Variants in PDZD2 observed in about 807,000 individuals in gnomAD.
PDZD2 encodes the protein PDZ domain containing 2, also known as PDZ domain-containing protein 2.
Under a neutral mutation model 220.7 loss-of-function variants are expected in PDZD2, and 90 were observed. That is an observed-to-expected ratio of 0.41 (90% confidence interval 0.34 to 0.49). The LOEUF (loss-of-function observed/expected upper bound fraction) is 0.49. Ranked by LOEUF, PDZD2 falls within the 20% of genes least tolerant of loss-of-function variation. PDZD2 has a pLI of 0.28. For missense variants in PDZD2, 3,174 were observed against 3,608.5 expected, an observed-to-expected ratio of 0.88 and a Z score of 3.08; for synonymous variants, 1,375 against 1,450.5, an observed-to-expected ratio of 0.95 and a Z score of 1.18.
At chr5:31,795,329 G>A (rs1235732188) in intron 1 of PDZD2, among the ~76,000 whole-genome samples, 2 of 152,154 alleles carry the variant, frequency 1.3e-5, no homozygotes, top group South Asian at 2.1e-4. Context: ...AAGAAAGTTG[G>A]TAGATTTTAA....
At chr5:32,010,593 G>A in intron 6 of PDZD2, 111 bp downstream of exon 6, 1 of 783,632 alleles carries the variant, frequency 1.3e-6, no homozygotes, top group South Asian at 1.4e-5. Context: ...ACCATGATGG[G>A]AAAAGACACC....
At position 32,059,295 on chromosome 5, in the gene PDZD2, C is replaced by G. The variant is rs1326888695; in HGVS notation, c.2257C>G (p.Pro753Ala). The change falls in exon 13 of 25, where the codon CCT (proline) becomes GCT (alanine). Residue 753 changes from proline to alanine, a missense_variant. This residue lies in a region of PDZD2 where 1,861 missense variants were observed against 2,001.0 expected (regional missense o/e 0.93). Transcript: ENST00000438447. ...CTGCTTGGCTCTGGAAAACAGTCCT[C>G]CTGGCATCTACATTCACAGCCTTGC... ...ACCLALENSP[P>A]GIYIHSLAPG... 1.2e-6 allele frequency: 2 copies of G among 1,613,836 alleles called. No homozygotes were observed. Among genetic ancestry groups the G allele is most frequent in the African/African-American group, 2.7e-5 (2 of 75,052 alleles).
chr5:31,946,938 A>G (rs527478939), intron 2 of PDZD2, among the ~76,000 whole-genome samples: 1 of 152,312 alleles, frequency 6.6e-6, no homozygotes, highest in African/African-American at 2.4e-5. Flanking sequence ...TCCTGGCCTC[A>G]AGAGATCCTC....
At chr5:31,859,417 T>A (rs778983082) in intron 2 of PDZD2, among the ~76,000 whole-genome samples, 2 of 152,210 alleles carry the variant, frequency 1.3e-5, no homozygotes, top group African/African-American at 2.4e-5. Context: ...CCTGGGAAAT[T>A]TCCTCATTTT....
intron 6 of PDZD2, among the ~76,000 whole-genome samples, chr5:32,022,364 A>ATTT (rs59655326): frequency 2.9e-5 from 4 of 137,368 alleles, no homozygotes; most frequent in Non-Finnish European, 4.7e-5. Flanking sequence ...CTCACAGCTA[A>ATTT]TTTTTTTTTT....
intron 1 of PDZD2, among the ~76,000 whole-genome samples, chr5:31,659,786 T>C (rs1487894210): frequency 6.6e-6 from 1 of 152,164 alleles, no homozygotes; most frequent in Non-Finnish European, 1.5e-5. Flanking sequence ...CTCCAACTGG[T>C]GTGGAGTGCC....
chr5:31,728,903 G>A (rs189269894), intron 1 of PDZD2, among the ~76,000 whole-genome samples: 138 of 151,716 alleles, frequency 9.1e-4, no homozygotes, highest in African/African-American at 2.9e-3. Context: ...CACCTAGGCC[G>A]GAGTGCAGTG....
At chr5:31,720,253 A>G (rs1028756109) in intron 1 of PDZD2, among the ~76,000 whole-genome samples, 2 of 152,242 alleles carry the variant, frequency 1.3e-5, no homozygotes, top group Non-Finnish European at 2.9e-5. Context: ...CATCTGCCTT[A>G]AAGATGTGCA....
chr5:32,050,589 G>A (rs1179247737), intron 8 of PDZD2, among the ~76,000 whole-genome samples: 1 of 152,152 alleles, frequency 6.6e-6, no homozygotes, highest in Non-Finnish European at 1.5e-5. Context: ...GGAGGCCAAG[G>A]TGAGAGAATT....
At chr5:31,850,006 AT>A (rs1757901626) in intron 2 of PDZD2, among the ~76,000 whole-genome samples, 1 of 106,040 alleles carries the variant, frequency 9.4e-6, no homozygotes, top group Non-Finnish European at 1.9e-5. Flanking sequence ...ATATATATAT[AT>A]ACACACACAC....
chr5:31,901,429 AAG>A (rs1349176912), intron 2 of PDZD2, among the ~76,000 whole-genome samples: 6 of 149,784 alleles, frequency 4.0e-5, no homozygotes, highest in East Asian at 2.0e-4. Flanking sequence ...AAAAAAAAAA[AAG>A]AAGAAGAAAG....
intron 1 of PDZD2, among the ~76,000 whole-genome samples, chr5:31,670,171 A>G (rs547269155): frequency 6.6e-6 from 1 of 152,258 alleles, no homozygotes; most frequent in Non-Finnish European, 1.5e-5. Flanking sequence ...CATTGTTTTC[A>G]GGGTGTTTGA....
At chr5:32,051,476 G>C (rs12516144) in intron 8 of PDZD2, among the ~76,000 whole-genome samples, 70,197 of 152,016 alleles carry the variant, frequency 0.46, 16,524 homozygotes, top group South Asian at 0.55. Flanking sequence ...ACTGTTTTGC[G>C]ATGTCTCTTT....
At chr5:31,810,265 T>C (rs2150242011) in intron 2 of PDZD2, among the ~76,000 whole-genome samples, 1 of 143,318 alleles carries the variant, frequency 7.0e-6, no homozygotes, top group Middle Eastern at 3.6e-3. Flanking sequence ...CTCCAGAGAT[T>C]TTTTTTTTTT....
rs1312425045 is a variant in PDZD2 at position 31,873,971 on chromosome 5, G to A, written c.476+74247G>A. 3.3e-5 allele frequency among the ~76,000 whole-genome samples: 5 copies of A among 151,910 alleles called. No homozygotes were observed. The East Asian group carries it at 5.8e-4, about 18-fold the overall frequency. On this transcript the variant is annotated intron_variant, in intron 2 of 24. Transcript: ENST00000438447. ...TTGAACTCCTAACCTCAGGTGACCC[G>A]CCCACTTTGGCCTTCCAAAGTGCTG...
At chr5:31,783,843 C>A (rs560337518) in intron 1 of PDZD2, among the ~76,000 whole-genome samples, 1 of 152,096 alleles carries the variant, frequency 6.6e-6, no homozygotes. Flanking sequence ...ATTTTTTTCC[C>A]GCTTCCAATT....
chr5:31,850,224 A>ATATATATATATAT, intron 2 of PDZD2, among the ~76,000 whole-genome samples: 1 of 62,176 alleles, frequency 1.6e-5, no homozygotes, highest in African/African-American at 8.6e-5. Context: ...GTATATATAT[A>ATATATATATATAT]AGTATATATA....
chr5:32,010,788 G>T, intron 6 of PDZD2: 1 of 402,822 alleles, frequency 2.5e-6, no homozygotes, highest in Non-Finnish European at 4.8e-6. Flanking sequence ...CTGAGGTCAG[G>T]AGTTCAAGAC....
intron 2 of PDZD2, among the ~76,000 whole-genome samples, chr5:31,934,679 A>G (rs924641860): frequency 2.0e-5 from 3 of 151,750 alleles, no homozygotes; most frequent in African/African-American, 7.3e-5. Context: ...GAAAATTTAG[A>G]AGCAATTTCA....
Sources: allele counts gnomAD v4.1 joint callset (sites outside exome capture counted in the v4.1 genomes callset), GRCh38; gene constraint gnomAD v4.1.1; regional missense constraint gnomAD v4.1.1; transcripts MANE v1.5; gene names NCBI Gene and HGNC (gene_info 2026-07-23, HGNC 2026-07-21).